Variants in CDH26 observed in about 807,000 individuals in gnomAD.
CDH26 encodes the protein cadherin 26.
Under a neutral mutation model 90.3 loss-of-function variants are expected in CDH26, and 83 were observed. The ratio of observed to expected loss-of-function variants is 0.92; its 90% CI spans 0.77 to 1.10. The LOEUF (loss-of-function observed/expected upper bound fraction) is 1.10, where lower values mean the gene tolerates loss of function less well. CDH26 is among the 50% of genes least tolerant of loss of function. CDH26 has a pLI of 0.00. For synonymous variants in CDH26, 397 were observed against 396.3 expected (o/e 1.00, Z -0.02); for missense variants, 1,013 against 1,037.6 (o/e 0.98, Z 0.33).
intron 11 of CDH26, among the ~76,000 whole-genome samples, chr20:59,994,875 C>T (rs894783087): frequency 2.0e-5 from 3 of 152,134 alleles, no homozygotes; most frequent in Non-Finnish European, 4.4e-5. Context: ...TGGCTGGTTC[C>T]CAGCCCACAC....
chr20:60,010,479 T>G (rs1164299482), intron 17 of CDH26, among the ~76,000 whole-genome samples: 3 of 152,020 alleles, frequency 2.0e-5, no homozygotes, highest in Admixed American at 2.0e-4. Flanking sequence ...AGAAGGTAAA[T>G]AGGCTAAAGT....
At position 59,985,105 on chromosome 20, in the gene CDH26, C is replaced by T; in HGVS notation, c.813C>T (p.His271=). 1 of 1,613,894 alleles carries T rather than the reference C, an allele frequency of 6.2e-7. No homozygotes were observed. Among genetic ancestry groups the T allele is most frequent in the Non-Finnish European group, 8.5e-7 (1 of 1,179,984 alleles). The part of the protein sequence containing the change: ...VHVDVQEGNN[H]RPAFTQENYK... ...TGGATGTGCAAGAAGGCAACAACCA[C>T]AGGCCTGCATTTACCCAGGAGAACG... The change falls in exon 7 of 18, where the codon CAC becomes CAT. Residue 271 remains histidine (H), a synonymous_variant. Transcript: ENST00000348616.
intron 7 of CDH26, among the ~76,000 whole-genome samples, chr20:60,023,487 C>G (rs1206328123): frequency 6.6e-6 from 1 of 152,044 alleles, no homozygotes; most frequent in African/African-American, 2.4e-5. Context: ...ATAAAAACCA[C>G]TGCCCATTGT....
chr20:59,997,732 C>T (rs1315545808), intron 13 of CDH26, among the ~76,000 whole-genome samples: 5 of 152,264 alleles, frequency 3.3e-5, no homozygotes, highest in Non-Finnish European at 7.3e-5. Flanking sequence ...CCATCTTACA[C>T]CTCCACCAAT....
At chr20:59,999,928 G>C (rs535027593) in intron 14 of CDH26, among the ~76,000 whole-genome samples, 2 of 152,310 alleles carry the variant, frequency 1.3e-5, no homozygotes, top group Non-Finnish European at 2.9e-5. Flanking sequence ...GTGCCATATG[G>C]TGATTTTTTG....
chr20:59,983,082 T>G lies in CDH26; in HGVS notation c.541+12T>G. The G allele has an allele frequency of 1.9e-6, 3 of 1,612,204 alleles. No individual in the cohort carries two copies. Among genetic ancestry groups the G allele is most frequent in the South Asian group, 1.1e-5 (1 of 90,852 alleles). ...AAACCAATCTGCAGGTGTGTGCGGC[T>G]GGGGGGCTGCCGGGCTTCCTTCTGT... is the stretch of plus-strand genomic sequence containing the variant. On this transcript the variant is annotated intron_variant, in intron 5 of 17. Coordinates refer to ENST00000348616, the MANE Select transcript of CDH26 (RefSeq NM_177980.4).
At chr20:59,967,812 CA>C (rs2061170563) in intron 1 of CDH26, among the ~76,000 whole-genome samples, 1 of 86,942 alleles carries the variant, frequency 1.2e-5, no homozygotes, top group Non-Finnish European at 2.5e-5. Context: ...CTCCCTCCCT[CA>C]TTTCTTTCTT....
chr20:60,006,275 A>G (rs2061748644), intron 16 of CDH26, among the ~76,000 whole-genome samples: 1 of 152,190 alleles, frequency 6.6e-6, no homozygotes, highest in Non-Finnish European at 1.5e-5. Context: ...CTTAGATAGC[A>G]CAGAGACCCA....
chr20:60,019,115 G>A (rs2061932194), downstream of CDH26, among the ~76,000 whole-genome samples: 1 of 152,044 alleles, frequency 6.6e-6, no homozygotes, highest in Admixed American at 6.5e-5. Context: ...GTGACTTGAT[G>A]CTTTTCCTTT....
chr20:59,976,023 C>A (rs1038402431), intron 4 of CDH26, among the ~76,000 whole-genome samples: 1 of 152,178 alleles, frequency 6.6e-6, no homozygotes, highest in Non-Finnish European at 1.5e-5. Flanking sequence ...AAAATATGCT[C>A]ATTTTTGTAG....
At chr20:60,034,312 C>G (rs1166047922), downstream of CDH26, among the ~76,000 whole-genome samples, 1 of 152,200 alleles carries the variant, frequency 6.6e-6, no homozygotes, top group Admixed American at 6.5e-5. Context: ...AAAGACAGTG[C>G]TGTGTCAGGA....
chr20:59,984,883 T>C, intron 6 of CDH26, 78 bp downstream of exon 6: 2 of 1,560,430 alleles, frequency 1.3e-6, no homozygotes, highest in Non-Finnish European at 8.7e-7. Context: ...TCTACATTTG[T>C]AGTGGGGAAC....
chr20:60,005,401 C>T (rs1476276538), intron 16 of CDH26, among the ~76,000 whole-genome samples: 1 of 151,994 alleles, frequency 6.6e-6, no homozygotes, highest in Non-Finnish European at 1.5e-5. Flanking sequence ...TGTATAGAAG[C>T]ATGTACATGT....
At position 59,985,086 on chromosome 20, in the gene CDH26, T is replaced by A; in HGVS notation, c.794T>A (p.Val265Glu). Reference protein sequence around the residue: ...LSSTTTVHVDVQEGNNHRPAF... With the variant: ...LSSTTTVHVDEQEGNNHRPAF... ...TCCACGACCACCGTTCACGTGGATG[T>A]GCAAGAAGGCAACAACCACAGGCCT... The change falls in exon 7 of 18, where the codon GTG becomes GAG. Residue 265 changes from valine (V) to glutamate (E), a missense_variant. By Grantham distance (121) the Val-to-Glu change is moderately radical. Coordinates refer to ENST00000348616, the MANE Select transcript of CDH26 (RefSeq NM_177980.4). 2 of 1,613,964 alleles carry A rather than the reference T, an allele frequency of 1.2e-6. No homozygotes were observed. The highest frequency in any genetic ancestry group is 1.7e-6 in the Non-Finnish European group (2 of 1,179,990).
chr20:60,016,573 C>G (rs1490621689), downstream of CDH26, among the ~76,000 whole-genome samples: 4 of 150,884 alleles, frequency 2.7e-5, no homozygotes, highest in Non-Finnish European at 5.9e-5. Context: ...GACAATTTGA[C>G]TTCCTCCTTT....
downstream of CDH26, among the ~76,000 whole-genome samples, chr20:60,017,760 T>C (rs946807348): frequency 2.0e-5 from 3 of 152,094 alleles, no homozygotes; most frequent in Non-Finnish European, 4.4e-5. Context: ...AACTTGCCTC[T>C]TACTACTGTT....
chr20:59,971,796 A>G (rs1262766750), intron 3 of CDH26, among the ~76,000 whole-genome samples, 166 bp from the exon 4 acceptor site: 1 of 152,234 alleles, frequency 6.6e-6, no homozygotes, highest in Non-Finnish European at 1.5e-5. Flanking sequence ...ACAGTTCAAC[A>G]TCATTGTTCC....
intron 12 of CDH26, chr20:59,996,269 A>C (rs1204712759): frequency 8.5e-7 from 1 of 1,178,444 alleles, no homozygotes; most frequent in Non-Finnish European, 1.2e-6. Context: ...GCTTCTACTC[A>C]CAATGGAATC....
At chr20:59,968,430 A>G (rs887087409) in intron 1 of CDH26, among the ~76,000 whole-genome samples, 2 of 152,160 alleles carry the variant, frequency 1.3e-5, no homozygotes, top group African/African-American at 4.8e-5. Context: ...AGTCTTGTAC[A>G]TGTATTTTTT....
Sources: allele counts gnomAD v4.1 joint callset (sites outside exome capture counted in the v4.1 genomes callset), GRCh38; gene constraint gnomAD v4.1.1; transcripts MANE v1.5; gene names NCBI Gene and HGNC (gene_info 2026-07-23, HGNC 2026-07-21).